Variants in FLRT2 observed in about 807,000 individuals in gnomAD.
FLRT2 encodes leucine-rich repeat transmembrane protein FLRT2.
A neutral mutation model predicts 40.0 loss-of-function variants in FLRT2; 15 were observed. The observed-to-expected ratio is 0.38, with a 90% CI of 0.25 to 0.58. The LOEUF (loss-of-function observed/expected upper bound fraction) is 0.58, where lower values mean the gene tolerates loss of function less well. Among genes scored for constraint, FLRT2 ranks in the 20% least tolerant of loss-of-function variants. The pLI, the probability that FLRT2 is intolerant of heterozygous loss-of-function variation, is 0.71. For synonymous variants in FLRT2, 380 were observed against 336.8 expected (o/e 1.13, Z -1.41); for missense variants, 726 against 840.0 (o/e 0.86, Z 1.68).
rs1187105902 is a variant in FLRT2 at position 85,654,058 on chromosome 14, G to C, written c.*30561G>C. 6.6e-6 allele frequency: 1 copy of C among 152,088 alleles called. No homozygotes were observed. The highest frequency in any genetic ancestry group is 2.4e-5 in the African/African-American group (1 of 41,418). 9.4% of individuals were successfully genotyped at this position (152,088 alleles called of 1,614,324 possible). On this transcript the variant is annotated 3_prime_UTR_variant, in exon 2 of 2. Transcript: ENST00000330753. The stretch of plus-strand genomic sequence containing the variant: ...TTTTTGAGGTCGTCTGATGAAATCA[G>C]AATGATTTCACTTAAGGCAAGGCAT...
At chr14:85,580,192 C>T (rs995176546) in intron 1 of FLRT2, among the ~76,000 whole-genome samples, 4 of 152,160 alleles carry the variant, frequency 2.6e-5, no homozygotes, top group African/African-American at 9.7e-5. Context: ...ATGCCAGGCA[C>T]ATTCAGCCTA....
chr14:85,547,484 C>T (rs947864739), intron 1 of FLRT2, among the ~76,000 whole-genome samples: 35 of 151,990 alleles, frequency 2.3e-4, no homozygotes, highest in African/African-American at 7.5e-4. Context: ...CCACCACACC[C>T]GGCTAACTTT....
At position 85,649,845 on chromosome 14, in the gene FLRT2, A is replaced by G. The variant is rs982808988; in HGVS notation, c.*26348A>G. On this transcript the variant is annotated 3_prime_UTR_variant, in exon 2 of 2. Coordinates refer to ENST00000330753, the MANE Select transcript of FLRT2 (RefSeq NM_013231.6). ...ATTTTTTAATGTACATCTTATACAC[A>G]TAAAATACTTTCTCATATTCTGAAG... The G allele has an allele frequency of 6.6e-6, 1 of 152,116 alleles. No homozygotes were observed. The highest frequency in any genetic ancestry group is 6.6e-5 in the Admixed American group (1 of 15,240). The allele number at this position is 152,116 out of a possible 1,614,324, so 9.4% of individuals were successfully genotyped here.
intron 1 of FLRT2, among the ~76,000 whole-genome samples, chr14:85,578,578 C>T (rs1240875751): frequency 6.6e-6 from 1 of 152,074 alleles, no homozygotes; most frequent in Non-Finnish European, 1.5e-5. Context: ...GGCCTGACCT[C>T]AGGACAAAGC....
chr14:85,610,116 C>T (rs1439544463), intron 1 of FLRT2, among the ~76,000 whole-genome samples: 1 of 152,128 alleles, frequency 6.6e-6, no homozygotes, highest in Non-Finnish European at 1.5e-5. Context: ...CTTTACCCAG[C>T]ATGGGTTCCT....
At chr14:85,531,983 A>G (rs1211028384) in intron 1 of FLRT2, among the ~76,000 whole-genome samples, 1 of 152,218 alleles carries the variant, frequency 6.6e-6, no homozygotes, top group Non-Finnish European at 1.5e-5. Flanking sequence ...AAGTCGTCTT[A>G]ACATGATTTA....
rs1195788242 is a variant in FLRT2, at chr14:85,633,977, A to G, written c.*10480A>G. 6.6e-6 allele frequency: 1 copy of G among 152,144 alleles called. No homozygotes were observed. The highest frequency in any genetic ancestry group is 6.5e-5 in the Admixed American group (1 of 15,274). 9.4% of individuals were successfully genotyped at this position (152,144 alleles called of 1,614,324 possible). A position where few individuals can be genotyped will look rare whatever the true frequency, so the allele number is the denominator to read the frequency against. ...GGAAGAACATTTTAATGTCTCTACA[A>G]TGCAGGTGCAATAGTCTACCACCTG... On this transcript the variant is annotated 3_prime_UTR_variant, in exon 2 of 2. Transcript: ENST00000330753.
At chr14:85,552,087 G>A (rs1296931519) in intron 1 of FLRT2, among the ~76,000 whole-genome samples, 1 of 152,104 alleles carries the variant, frequency 6.6e-6, no homozygotes, top group Non-Finnish European at 1.5e-5. Flanking sequence ...TAAATTCTAG[G>A]TTTTATGTTG....
At chr14:85,591,718 A>C (rs112181662) in intron 1 of FLRT2, among the ~76,000 whole-genome samples, 2,282 of 152,290 alleles carry the variant, frequency 0.015, 61 homozygotes, top group African/African-American at 0.053. Context: ...GCTTTTGCCA[A>C]TTAGTACATG....
At chr14:85,572,810 T>C (rs1276952746) in intron 1 of FLRT2, among the ~76,000 whole-genome samples, 1 of 152,162 alleles carries the variant, frequency 6.6e-6, no homozygotes, top group Non-Finnish European at 1.5e-5. Context: ...CCCCTTGAGT[T>C]AGCTGCTGTT....
At position 85,649,889 on chromosome 14, in the gene FLRT2, T is replaced by C. The variant is rs1313045159; in HGVS notation, c.*26392T>C. ...TCTGAAGAATGAAGCATTTCTGTCC[T>C]AGGTGATTATAAAGTTTGTTGCTAT... On this transcript the variant is annotated 3_prime_UTR_variant, in exon 2 of 2. Transcript: ENST00000330753. The C allele has an allele frequency of 6.6e-6, 1 of 152,098 alleles. No homozygotes were observed. Among genetic ancestry groups the C allele is most frequent in the Non-Finnish European group, 1.5e-5 (1 of 67,968 alleles). 9.4% of individuals were successfully genotyped at this position (152,098 alleles called of 1,614,324 possible).
intron 1 of FLRT2, among the ~76,000 whole-genome samples, chr14:85,592,732 C>G (rs541991144): frequency 5.6e-5 from 8 of 142,308 alleles, no homozygotes; most frequent in Non-Finnish European, 9.0e-5. Flanking sequence ...AAGGTTGCAG[C>G]GAGCCGAGAT....
In FLRT2 at chr14:85,653,296, C is replaced by T. The variant is rs1285962229; in HGVS notation, c.*29799C>T. ...GGAACAGATGTAACTTGGAGAAGTACCAATTTTGTCATTCTAGATGAGAAA... is the reference window on the plus strand; with the variant it reads ...GGAACAGATGTAACTTGGAGAAGTATCAATTTTGTCATTCTAGATGAGAAA... On this transcript the variant is annotated 3_prime_UTR_variant, in exon 2 of 2. Coordinates refer to ENST00000330753, the MANE Select transcript of FLRT2 (RefSeq NM_013231.6). 6.6e-6 allele frequency: 1 copy of T among 152,062 alleles called. No individual in the cohort carries two copies. Among genetic ancestry groups the T allele is most frequent in the Non-Finnish European group, 1.5e-5 (1 of 68,022 alleles). 9.4% of individuals were successfully genotyped at this position (152,062 alleles called of 1,614,324 possible).
intron 1 of FLRT2, among the ~76,000 whole-genome samples, chr14:85,614,049 T>C (rs951105963): frequency 3.3e-5 from 5 of 152,188 alleles, no homozygotes; most frequent in Non-Finnish European, 7.3e-5. Context: ...ATAAAGAGTG[T>C]GTGTTTTCCA....
At chr14:85,535,909 TTTTTTTTTTTTTGTTGTTG>T (rs1021728147) in intron 1 of FLRT2, among the ~76,000 whole-genome samples, 10 of 80,520 alleles carry the variant, frequency 1.2e-4, no homozygotes, top group African/African-American at 5.8e-4. Context: ...TTTTTTTTTT[TTTTTTTTTTTTTGTTGTTG>T]TTGTTGTTGT....
chr14:85,547,476 A>G (rs896506164), intron 1 of FLRT2, among the ~76,000 whole-genome samples: 2 of 151,842 alleles, frequency 1.3e-5, no homozygotes, highest in Non-Finnish European at 2.9e-5. Context: ...GGTGCCTGCC[A>G]CCACACCCGG....
At position 85,650,834 on chromosome 14, in the gene FLRT2, T is replaced by C. The variant is rs1311252287; in HGVS notation, c.*27337T>C. The C allele has an allele frequency of 5.9e-5, 9 of 151,912 alleles. No individual in the cohort carries two copies. The highest frequency in any genetic ancestry group is 1.2e-4 in the Non-Finnish European group (8 of 67,958). 9.4% of individuals were successfully genotyped at this position (151,912 alleles called of 1,614,324 possible). ...CTAGCTATATTCTTTGCAATAATTA[T>C]TAAAATTTTCTTTTTCTTTTCTTTT... On this transcript the variant is annotated 3_prime_UTR_variant, in exon 2 of 2. Transcript: ENST00000330753.
At chr14:85,577,974 C>T (rs1454209267) in intron 1 of FLRT2, among the ~76,000 whole-genome samples, 1 of 151,592 alleles carries the variant, frequency 6.6e-6, no homozygotes, top group Non-Finnish European at 1.5e-5. Context: ...ATGGCTATCA[C>T]TGTCTCTGGA....
intron 1 of FLRT2, among the ~76,000 whole-genome samples, chr14:85,617,675 GTA>G (rs1893195368): frequency 6.6e-6 from 1 of 152,138 alleles, no homozygotes; most frequent in South Asian, 2.1e-4. Flanking sequence ...TTACCAATAT[GTA>G]TACTGATTGA....
Sources: allele counts gnomAD v4.1 joint callset (sites outside exome capture counted in the v4.1 genomes callset), GRCh38; gene constraint gnomAD v4.1.1; transcripts MANE v1.5; gene names NCBI Gene and HGNC (gene_info 2026-07-23, HGNC 2026-07-21).